The following ADGRB3 variants were observed in gnomAD, a reference collection of about 807,000 sequenced individuals.
ADGRB3 encodes the protein brain-specific angiogenesis inhibitor 3.
A neutral mutation model predicts 193.4 loss-of-function variants in ADGRB3; 37 were observed. The observed-to-expected ratio is 0.19, with a 90% CI of 0.15 to 0.25. The LOEUF is 0.25. Among genes scored for constraint, ADGRB3 ranks in the 10% least tolerant of loss-of-function variants. The probability of loss-of-function intolerance (pLI) is 1.00; values close to 1 mark genes in which losing one functional copy is unlikely to be tolerated. For synonymous variants in ADGRB3, 690 were observed against 644.2 expected (o/e 1.07, Z -1.08); for missense variants, 1,637 against 1,852.9 (o/e 0.88, Z 2.14).
intron 3 of ADGRB3, among the ~76,000 whole-genome samples, chr6:68,825,860 A>G (rs2127381955): frequency 6.6e-6 from 1 of 152,252 alleles, no homozygotes; most frequent in Non-Finnish European, 1.5e-5. Flanking sequence ...AATCAATTAA[A>G]CCTTTTTCCT....
At chr6:69,213,810 T>C (rs1329610291) in intron 17 of ADGRB3, among the ~76,000 whole-genome samples, 2 of 152,198 alleles carry the variant, frequency 1.3e-5, no homozygotes, top group Non-Finnish European at 2.9e-5. Context: ...ATAGAGAGAA[T>C]GTGATACAGC....
chr6:68,657,395 G>A (rs912359207), intron 3 of ADGRB3, among the ~76,000 whole-genome samples: 1 of 151,424 alleles, frequency 6.6e-6, no homozygotes, highest in African/African-American at 2.4e-5. Context: ...GAATGCAAAT[G>A]AGGTAAATTT....
intron 17 of ADGRB3, among the ~76,000 whole-genome samples, chr6:69,101,873 A>G (rs534865301): frequency 6.6e-6 from 1 of 152,202 alleles, no homozygotes; most frequent in South Asian, 2.1e-4. Context: ...TTCTGGCATG[A>G]ATACTATATT....
chr6:68,988,316 C>A (rs1025976719), intron 10 of ADGRB3, among the ~76,000 whole-genome samples: 1 of 151,848 alleles, frequency 6.6e-6, no homozygotes, highest in Admixed American at 6.6e-5. Flanking sequence ...AAAAAGAATT[C>A]GTGAAGGAGA....
chr6:68,981,941 G>A (rs1276989049), intron 10 of ADGRB3, among the ~76,000 whole-genome samples: 1 of 151,414 alleles, frequency 6.6e-6, no homozygotes, highest in South Asian at 2.1e-4. Flanking sequence ...GCAATGGTGC[G>A]ATCTCGGCTC....
At chr6:69,206,843 G>C (rs916763582) in intron 17 of ADGRB3, among the ~76,000 whole-genome samples, 3 of 152,140 alleles carry the variant, frequency 2.0e-5, no homozygotes, top group Admixed American at 1.3e-4. Flanking sequence ...CACCTCAGCA[G>C]GTTGTGATTA....
At chr6:68,825,737 T>C (rs1053404880) in intron 3 of ADGRB3, among the ~76,000 whole-genome samples, 1 of 152,188 alleles carries the variant, frequency 6.6e-6, no homozygotes, top group African/African-American at 2.4e-5. Flanking sequence ...CTCTTTCCCC[T>C]TCACTGGGCA....
At chr6:69,005,150 A>G (rs78515111) in intron 11 of ADGRB3, among the ~76,000 whole-genome samples, 9,019 of 152,118 alleles carry the variant, frequency 0.059, 343 homozygotes, top group Non-Finnish European at 0.087. Flanking sequence ...TGGGGAAAAA[A>G]TCATATTTAA....
chr6:69,137,262 C>T (rs1774179138), intron 17 of ADGRB3, among the ~76,000 whole-genome samples: 1 of 151,882 alleles, frequency 6.6e-6, no homozygotes, highest in Non-Finnish European at 1.5e-5. Flanking sequence ...TTACCTTTTG[C>T]CCAGTAGGTT....
intron 17 of ADGRB3, among the ~76,000 whole-genome samples, chr6:69,193,117 A>C (rs1403969024): frequency 6.6e-6 from 1 of 152,098 alleles, no homozygotes; most frequent in African/African-American, 2.4e-5. Context: ...ATAGAGGATC[A>C]TCTGCCAGTT....
chr6:69,353,996 G>A (rs976000892), intron 26 of ADGRB3, among the ~76,000 whole-genome samples: 25 of 152,182 alleles, frequency 1.6e-4, no homozygotes, highest in African/African-American at 5.5e-4. Context: ...CTGGGAAGCG[G>A]AGGTTGCAGT....
chr6:68,743,185 G>C (rs1766014715), intron 3 of ADGRB3, among the ~76,000 whole-genome samples: 2 of 151,890 alleles, frequency 1.3e-5, no homozygotes, highest in South Asian at 4.1e-4. Context: ...TTGGGTATGA[G>C]GTCACCTGAA....
At chr6:69,325,343 T>C (rs1330880469) in intron 21 of ADGRB3, among the ~76,000 whole-genome samples, 1 of 152,056 alleles carries the variant, frequency 6.6e-6, no homozygotes, top group African/African-American at 2.4e-5. Context: ...CCTTAAAATT[T>C]TCAAGGCCTA....
intron 20 of ADGRB3, 115 bp from the exon 21 acceptor site, chr6:69,324,757 G>T (rs1768532498): frequency 2.6e-6 from 3 of 1,156,522 alleles, no homozygotes; most frequent in Admixed American, 5.0e-5. Flanking sequence ...TCACTGAGGA[G>T]AAGTAGATAT....
intron 20 of ADGRB3, among the ~76,000 whole-genome samples, chr6:69,310,257 C>T (rs1256458499): frequency 1.3e-5 from 2 of 151,666 alleles, no homozygotes; most frequent in African/African-American, 4.8e-5. Flanking sequence ...TGGTATAATG[C>T]ATGACATTTC....
chr6:68,665,996 A>G (rs1418025519), intron 3 of ADGRB3, among the ~76,000 whole-genome samples: 1 of 151,870 alleles, frequency 6.6e-6, no homozygotes, highest in African/African-American at 2.4e-5. Context: ...TTATATAGTG[A>G]CATTTAACTA....
chr6:68,851,392 A>G (rs1237714887), intron 3 of ADGRB3, among the ~76,000 whole-genome samples: 1 of 151,862 alleles, frequency 6.6e-6, no homozygotes, highest in African/African-American at 2.4e-5. Flanking sequence ...CCTAGGTATC[A>G]CTTAGGAAAA....
At chr6:68,862,544 CA>C (rs1281092993) in intron 3 of ADGRB3, among the ~76,000 whole-genome samples, 1 of 152,160 alleles carries the variant, frequency 6.6e-6, no homozygotes, top group African/African-American at 2.4e-5. Flanking sequence ...GAGTTGGGGT[CA>C]GGGGGACCAA....
At chr6:69,268,478 C>A (rs1036369418) in intron 20 of ADGRB3, among the ~76,000 whole-genome samples, 1 of 152,106 alleles carries the variant, frequency 6.6e-6, no homozygotes, top group Non-Finnish European at 1.5e-5. Context: ...TAAGCAATCA[C>A]CGCTTTGACA....
Sources: gnomAD v4.1 joint callset for allele counts (sites outside exome capture counted in the v4.1 genomes callset) on GRCh38, gnomAD v4.1.1 for gene constraint, MANE v1.5 for transcripts, NCBI Gene and HGNC (gene_info 2026-07-23, HGNC 2026-07-21) for gene names.